Variants in CERS6 observed in about 807,000 individuals in gnomAD.
The protein encoded by CERS6 is ceramide synthase 6, also known as LAG1 homolog, ceramide synthase 6.
A neutral mutation model predicts 56.8 loss-of-function variants in CERS6; 26 were observed. The ratio of observed to expected loss-of-function variants is 0.46; its 90% CI spans 0.34 to 0.63. CERS6 has a LOEUF of 0.63. CERS6 is among the 30% of genes least tolerant of loss of function. The pLI is 0.01. For missense variants in CERS6, 415 were observed against 467.5 expected (o/e 0.89, Z 1.04); for synonymous variants, 164 against 173.3 (o/e 0.95, Z 0.42).
intron 1 of CERS6, among the ~76,000 whole-genome samples, chr2:168,522,620 C>T (rs1165976392): frequency 7.2e-5 from 11 of 152,074 alleles, no homozygotes; most frequent in Non-Finnish European, 8.8e-5. Context: ...GCAGCCTTGA[C>T]CTCCCAGGCT....
At chr2:168,764,173 T>C (rs1012290315) in intron 8 of CERS6, among the ~76,000 whole-genome samples, 2 of 152,146 alleles carry the variant, frequency 1.3e-5, no homozygotes, top group African/African-American at 2.4e-5. Context: ...GATGGAGTCT[T>C]GCTCTGTTGC....
At chr2:168,478,308 A>C (rs1444565994) in intron 1 of CERS6, among the ~76,000 whole-genome samples, 1 of 152,022 alleles carries the variant, frequency 6.6e-6, no homozygotes, top group Non-Finnish European at 1.5e-5. Flanking sequence ...CTGTGATTCA[A>C]CCTTCCCAGG....
At chr2:168,650,619 A>G (rs1336903636) in intron 4 of CERS6, among the ~76,000 whole-genome samples, 1 of 151,530 alleles carries the variant, frequency 6.6e-6, no homozygotes, top group African/African-American at 2.4e-5. Context: ...TATTTATTAC[A>G]CTCCAAAGGC....
rs1558997740 is a variant in CERS6, at chr2:168,559,371, A to G, written c.277-1821A>G. On this transcript the variant is annotated intron_variant, in intron 2 of 9. Transcript: ENST00000305747. ...TATCAACTGGGTGGCTTAAACAACA[A>G]ATATTTATTTCTCACAGTTCTGGAT... Among the ~76,000 whole-genome samples, 3 of 152,106 alleles carry G rather than the reference A, an allele frequency of 2.0e-5. No homozygotes were observed. In the South Asian group the frequency reaches 6.2e-4, roughly 32 times the overall value.
intron 4 of CERS6, among the ~76,000 whole-genome samples, chr2:168,678,308 T>C (rs1194018439): frequency 6.6e-6 from 1 of 152,156 alleles, no homozygotes; most frequent in Admixed American, 6.5e-5. Context: ...CTGTCAGGCC[T>C]ACGGGAGCTA....
At chr2:168,686,770 A>G (rs1686364370) in intron 4 of CERS6, among the ~76,000 whole-genome samples, 2 of 152,182 alleles carry the variant, frequency 1.3e-5, no homozygotes, top group Admixed American at 1.3e-4. Context: ...TCAGCTGTGT[A>G]GCCTTTAATT....
chr2:168,739,023 C>CT (rs1308304937), intron 8 of CERS6, among the ~76,000 whole-genome samples: 1 of 145,978 alleles, frequency 6.9e-6, no homozygotes, highest in Non-Finnish European at 1.5e-5. Flanking sequence ...GTACCTGGGA[C>CT]TACAGGCACA....
intron 1 of CERS6, among the ~76,000 whole-genome samples, chr2:168,527,869 C>T (rs1029309676): frequency 3.3e-5 from 5 of 152,032 alleles, no homozygotes; most frequent in African/African-American, 1.2e-4. Context: ...TACAGGTGTG[C>T]ACCACCACAC....
At chr2:168,717,499 G>A (rs970931048) in intron 7 of CERS6, among the ~76,000 whole-genome samples, 1 of 152,192 alleles carries the variant, frequency 6.6e-6, no homozygotes, top group Non-Finnish European at 1.5e-5. Context: ...TGTTTGAACT[G>A]TTAGGCCAGA....
chr2:168,717,342 G>C (rs1271199841), intron 7 of CERS6, among the ~76,000 whole-genome samples: 2 of 151,970 alleles, frequency 1.3e-5, no homozygotes, highest in African/African-American at 4.8e-5. Flanking sequence ...CATCTCCCCA[G>C]AGTACTCCTT....
At chr2:168,754,065 G>A (rs1684353561) in intron 8 of CERS6, among the ~76,000 whole-genome samples, 2 of 152,162 alleles carry the variant, frequency 1.3e-5, no homozygotes, top group Admixed American at 6.5e-5. Context: ...CAGACAGCAT[G>A]AGGGAAGTCA....
At chr2:168,620,210 T>C (rs1378029210) in intron 3 of CERS6, among the ~76,000 whole-genome samples, 1 of 152,006 alleles carries the variant, frequency 6.6e-6, no homozygotes, top group Admixed American at 6.5e-5. Context: ...TTCTAACTTA[T>C]AAGTGGAAGC....
intron 3 of CERS6, among the ~76,000 whole-genome samples, chr2:168,615,591 A>G (rs1684297725): frequency 6.7e-6 from 1 of 149,744 alleles, no homozygotes; most frequent in Non-Finnish European, 1.5e-5. Flanking sequence ...AAGTCTCAGC[A>G]ATAGAGTCGA....
chr2:168,545,748 T>C (rs957049973), intron 1 of CERS6, among the ~76,000 whole-genome samples: 4 of 152,176 alleles, frequency 2.6e-5, no homozygotes, highest in Non-Finnish European at 5.9e-5. Context: ...TCACAGGGCA[T>C]ACAAAGAGGA....
chr2:168,671,820 G>C (rs1685926315), intron 4 of CERS6, among the ~76,000 whole-genome samples: 1 of 152,068 alleles, frequency 6.6e-6, no homozygotes, highest in Non-Finnish European at 1.5e-5. Context: ...TTATTGAATA[G>C]GTGACTAGTA....
chr2:168,545,650 C>T (rs923088070), intron 1 of CERS6, among the ~76,000 whole-genome samples: 1 of 152,170 alleles, frequency 6.6e-6, no homozygotes, highest in Non-Finnish European at 1.5e-5. Flanking sequence ...CAGCACTCAA[C>T]ACCGTGATAG....
chr2:168,559,054 A>C (rs2105380036), intron 2 of CERS6, among the ~76,000 whole-genome samples: 1 of 152,290 alleles, frequency 6.6e-6, no homozygotes, highest in Admixed American at 6.5e-5. Context: ...TTTATTAATA[A>C]ACTAAGAAAA....
chr2:168,672,916 A>G (rs1685958282), intron 4 of CERS6, among the ~76,000 whole-genome samples: 1 of 152,228 alleles, frequency 6.6e-6, no homozygotes, highest in African/African-American at 2.4e-5. Flanking sequence ...ATAACTGCCT[A>G]GAGATCAATT....
chr2:168,768,709 C>A (rs944042922), intron 9 of CERS6, among the ~76,000 whole-genome samples: 4 of 151,706 alleles, frequency 2.6e-5, no homozygotes, highest in Non-Finnish European at 5.9e-5. Flanking sequence ...AGTTCCAGAC[C>A]AGCCTGGCCA....
Sources: gnomAD v4.1 joint callset for allele counts (sites outside exome capture counted in the v4.1 genomes callset) on GRCh38, gnomAD v4.1.1 for gene constraint, MANE v1.5 for transcripts, NCBI Gene and HGNC (gene_info 2026-07-23, HGNC 2026-07-21) for gene names.